The following FLNB variants were observed in gnomAD, a reference collection of about 807,000 sequenced individuals.
The protein encoded by FLNB is filamin B.
FLNB carries 111 observed loss-of-function variants against 250.6 expected under a neutral mutation model. That is an observed-to-expected ratio of 0.44 (90% CI 0.38 to 0.52). The LOEUF is 0.52. FLNB is among the 20% of genes least tolerant of loss of function. The probability of loss-of-function intolerance (pLI) is 0.00; values close to 1 mark genes in which losing one functional copy is unlikely to be tolerated. For missense variants in FLNB, 2,869 were observed against 3,447.8 expected (o/e 0.83, Z 4.20); for synonymous variants, 1,302 against 1,372.1 (o/e 0.95, Z 1.13).
rs2097380970 is a variant in FLNB, at chr3:58,170,596, G to A, written c.7643G>A (p.Gly2548Glu). The A allele has an allele frequency of 6.2e-7, 1 of 1,614,008 alleles. No individual in the cohort carries two copies. The highest frequency in any genetic ancestry group is 1.7e-5 in the Admixed American group (1 of 59,988). The change falls in exon 46 of 46, where the codon GGG (glycine) becomes GAG (glutamate). Residue 2548 changes from glycine (G) to glutamate (E), a missense_variant. Around this residue, in one of 5 missense-constraint regions of FLNB, gnomAD observed 1,084 missense variants for 1,315.5 expected, o/e 0.82. Transcript: ENST00000295956. Reference sequence around the variant, plus strand: ...CTAGGCTCCAACATGCTGCTGATCGGGGTCCATGGGCCCACCACCCCCTGC... The same window carrying A: ...CTAGGCTCCAACATGCTGCTGATCGAGGTCCATGGGCCCACCACCCCCTGC... ...SKAGSNMLLI[G>E]VHGPTTPCEE...
At chr3:58,161,448 A>G (rs1036092545) in intron 42 of FLNB, among the ~76,000 whole-genome samples, 1 of 152,160 alleles carries the variant, frequency 6.6e-6, no homozygotes, top group Non-Finnish European at 1.5e-5. Context: ...CTCAGCCCCA[A>G]CAGTCCCTCA....
chr3:58,143,583 C>A lies in FLNB; in HGVS notation c.5395C>A (p.His1799Asn). The A allele has an allele frequency of 6.2e-7, 1 of 1,614,138 alleles. No homozygotes were observed. Among genetic ancestry groups the A allele is most frequent in the Non-Finnish European group, 8.5e-7 (1 of 1,180,028 alleles). ...CACTGAGGTCGGGCTCCATGAGATG[C>A]ACATCAAATACATGGGCAGCCACAT... ...APTEVGLHEMHIKYMGSHIPE... is the reference protein window; with the variant it reads ...APTEVGLHEMNIKYMGSHIPE... Residue 1799 changes from histidine (H) to asparagine (N), a missense_variant, in exon 32 of 46, where the codon CAC becomes AAC. Around this residue, in one of 5 missense-constraint regions of FLNB, gnomAD observed 1,084 missense variants for 1,315.5 expected, o/e 0.82. Transcript: ENST00000295956.
intron 1 of FLNB, among the ~76,000 whole-genome samples, chr3:58,038,352 A>G (rs1407235209): frequency 1.3e-5 from 2 of 151,630 alleles, no homozygotes; most frequent in Admixed American, 1.3e-4. Flanking sequence ...AAAAAGAGAG[A>G]TTTGTGTGAA....
At chr3:58,100,369 A>ATATATATATAT (rs1559692340) in intron 8 of FLNB, among the ~76,000 whole-genome samples, 1 of 26,612 alleles carries the variant, frequency 3.8e-5, no homozygotes, top group African/African-American at 3.0e-4. Flanking sequence ...ATATGTAAAA[A>ATATATATATAT]AAAAATATAT....
chr3:58,080,489 T>C (rs543073177), intron 3 of FLNB, among the ~76,000 whole-genome samples: 5 of 144,748 alleles, frequency 3.5e-5, no homozygotes, highest in Admixed American at 6.9e-5. Context: ...GTTCACCCAT[T>C]CCCTATTTTT....
chr3:58,045,468 G>A (rs1407286107), intron 1 of FLNB, among the ~76,000 whole-genome samples: 2 of 151,614 alleles, frequency 1.3e-5, no homozygotes, highest in Non-Finnish European at 2.9e-5. Context: ...AGATCCTTTC[G>A]CATTTGTTTT....
At chr3:58,100,878 C>A (rs1450664089) in intron 8 of FLNB, among the ~76,000 whole-genome samples, 1 of 151,128 alleles carries the variant, frequency 6.6e-6, no homozygotes, top group South Asian at 2.1e-4. Context: ...GGTTTACAGG[C>A]ATAAGCCACC....
intron 18 of FLNB, among the ~76,000 whole-genome samples, chr3:58,115,395 C>T (rs1418410705): frequency 6.6e-6 from 1 of 152,146 alleles, no homozygotes; most frequent in East Asian, 1.9e-4. Flanking sequence ...GTCTATATGC[C>T]TTTTAGTGTT....
chr3:58,059,354 T>C (rs1047297965), intron 1 of FLNB, among the ~76,000 whole-genome samples: 2 of 152,140 alleles, frequency 1.3e-5, no homozygotes, highest in Non-Finnish European at 2.9e-5. Flanking sequence ...CTTTAGTAAA[T>C]AGGCCAGGTG....
At chr3:58,165,810 T>G (rs2097369339) in intron 43 of FLNB, 1 of 152,068 alleles carries the variant, frequency 6.6e-6, no homozygotes. Context: ...CTTCCTTAAC[T>G]GCCTTGAAGA....
rs773901908 is a variant in FLNB at position 58,148,325 on chromosome 3, G to A, written c.5848G>A (p.Glu1950Lys). Residue 1950 changes from glutamate (E) to lysine (K), a missense_variant, in exon 35 of 46, where the codon GAG becomes AAG. Coordinates refer to ENST00000295956, the MANE Select transcript of FLNB (RefSeq NM_001457.4). ...CATTAAGGCCCCATCTGGCCGAGACGAGCCCTGTCTCCTGAAGAGGCTGCC... is the reference window on the plus strand; with the variant it reads ...CATTAAGGCCCCATCTGGCCGAGACAAGCCCTGTCTCCTGAAGAGGCTGCC... ...ASIKAPSGRD[E>K]PCLLKRLPNN... is the part of the protein sequence containing the mutation. 4 of 1,613,848 alleles carry A rather than the reference G, an allele frequency of 2.5e-6. No homozygotes were observed. Among genetic ancestry groups the A allele is most frequent in the East Asian group, 2.2e-5 (1 of 44,882 alleles).
At chr3:58,077,690 G>A (rs555122952) in intron 2 of FLNB, among the ~76,000 whole-genome samples, 1 of 152,264 alleles carries the variant, frequency 6.6e-6, no homozygotes, top group Non-Finnish European at 1.5e-5. Flanking sequence ...AAACTTCCAT[G>A]GAGTGGAAAG....
intron 1 of FLNB, among the ~76,000 whole-genome samples, chr3:58,047,873 T>C (rs1306982426): frequency 6.6e-6 from 1 of 152,116 alleles, no homozygotes; most frequent in East Asian, 1.9e-4. Context: ...CACATGCGTG[T>C]TTTTTATTGA....
At chr3:58,050,336 A>G (rs1190393383) in intron 1 of FLNB, among the ~76,000 whole-genome samples, 2 of 151,992 alleles carry the variant, frequency 1.3e-5, no homozygotes, top group Non-Finnish European at 2.9e-5. Flanking sequence ...TCTCTTTTTC[A>G]TTTTTAAAGG....
At chr3:58,104,110 C>A (rs761998967) in intron 10 of FLNB, 25 bp downstream of exon 10, 1 of 1,611,926 alleles carries the variant, frequency 6.2e-7, no homozygotes, top group South Asian at 1.1e-5. Context: ...GCAGAGGGGT[C>A]TTCTCTGGAG....
intron 4 of FLNB, among the ~76,000 whole-genome samples, chr3:58,090,751 G>A (rs2097225527): frequency 6.6e-6 from 1 of 152,000 alleles, no homozygotes; most frequent in Non-Finnish European, 1.5e-5. Context: ...TTTATTGCAG[G>A]GATGCAAGGC....
intron 1 of FLNB, among the ~76,000 whole-genome samples, chr3:58,016,625 C>T (rs1310328615): frequency 6.6e-6 from 1 of 152,066 alleles, no homozygotes; most frequent in Non-Finnish European, 1.5e-5. Flanking sequence ...AACGGATTAT[C>T]TTATGTCCCC....
intron 38 of FLNB, chr3:58,152,916 C>G: frequency 3.1e-6 from 1 of 326,012 alleles, no homozygotes; most frequent in Non-Finnish European, 5.8e-6. Flanking sequence ...CGAGACATTG[C>G]TTTTCTGAAA....
intron 25 of FLNB, chr3:58,132,590 A>C: frequency 1.6e-6 from 1 of 617,008 alleles, no homozygotes; most frequent in African/African-American, 1.8e-5. Flanking sequence ...TTTAGCCAAC[A>C]AAAAGCTAAA....
Sources: allele counts gnomAD v4.1 joint callset (sites outside exome capture counted in the v4.1 genomes callset), GRCh38; gene constraint gnomAD v4.1.1; regional missense constraint gnomAD v4.1.1; transcripts MANE v1.5; gene names NCBI Gene and HGNC (gene_info 2026-07-23, HGNC 2026-07-21).